The following FOXP1 variants were observed in gnomAD, a reference collection of about 807,000 sequenced individuals.
FOXP1 encodes the protein forkhead box P1, also known as forkhead box protein P1.
Under a neutral mutation model 98.2 loss-of-function variants are expected in FOXP1, and 15 were observed. The ratio of observed to expected loss-of-function variants is 0.15; its 90% CI spans 0.10 to 0.24. The LOEUF is 0.24. FOXP1 is among the 10% of genes least tolerant of loss of function. FOXP1 has a pLI of 1.00. For synonymous variants in FOXP1, 371 were observed against 314.5 expected (o/e 1.18, Z -1.90); for missense variants, 633 against 848.5 (o/e 0.75, Z 3.15).
At chr3:71,461,112 CTT>C (rs901506080) in intron 3 of FOXP1, among the ~76,000 whole-genome samples, 12 of 152,134 alleles carry the variant, frequency 7.9e-5, no homozygotes, top group African/African-American at 2.7e-4. Flanking sequence ...GTTAAAAAGA[CTT>C]TGTCCATTCT....
intron 12 of FOXP1, among the ~76,000 whole-genome samples, chr3:71,006,894 A>G (rs2042877636): frequency 6.6e-6 from 1 of 151,980 alleles, no homozygotes; most frequent in Admixed American, 6.6e-5. Context: ...CTGTTTGTTG[A>G]AAAAAAATGC....
At chr3:71,402,397 G>A (rs1395697373) in intron 3 of FOXP1, among the ~76,000 whole-genome samples, 2 of 152,186 alleles carry the variant, frequency 1.3e-5, no homozygotes, top group African/African-American at 2.4e-5. Flanking sequence ...TGAGACTGCA[G>A]TAAACCATGT....
At chr3:71,187,871 T>C (rs957974772) in intron 6 of FOXP1, among the ~76,000 whole-genome samples, 15 of 152,140 alleles carry the variant, frequency 9.9e-5, no homozygotes, top group Admixed American at 2.6e-4. Context: ...GGACTAAAAA[T>C]AGTCAGGAAA....
At position 71,176,996 on chromosome 3, in the gene FOXP1, G is replaced by T. The variant is rs569226238; in HGVS notation, c.180+21206C>A. Among the ~76,000 whole-genome samples, 3 of 152,252 alleles carry T rather than the reference G, an allele frequency of 2.0e-5. No homozygotes were observed. The South Asian group carries it at 6.2e-4, about 32-fold the overall frequency. The stretch of plus-strand genomic sequence containing the variant: ...GAGGATCAATGGAACCTGGGAGGCG[G>T]AGGTTGCAGTGAGCCGAGATCGTGC... On this transcript the variant is annotated intron_variant, in intron 6 of 20. Coordinates refer to ENST00000649528, the MANE Select transcript of FOXP1 (RefSeq NM_001349338.3).
intron 3 of FOXP1, among the ~76,000 whole-genome samples, chr3:71,437,243 T>A (rs1283499677): frequency 1.3e-5 from 2 of 151,988 alleles, no homozygotes; most frequent in African/African-American, 4.8e-5. Context: ...CCCGTCTCTA[T>A]GAAAAACACA....
At chr3:71,140,543 A>G (rs2060018215) in intron 6 of FOXP1, among the ~76,000 whole-genome samples, 1 of 152,248 alleles carries the variant, frequency 6.6e-6, no homozygotes, top group Non-Finnish European at 1.5e-5. Context: ...ATATAGTCTA[A>G]TAATTGTGAA....
intron 7 of FOXP1, among the ~76,000 whole-genome samples, chr3:71,082,150 A>G (rs1189991614): frequency 1.3e-5 from 2 of 152,080 alleles, no homozygotes; most frequent in Non-Finnish European, 2.9e-5. Context: ...GTGGTGGCGC[A>G]CGCCTGTAAT....
At chr3:71,570,848 G>C (rs888526800) in intron 2 of FOXP1, 1 of 152,206 alleles carries the variant, frequency 6.6e-6, no homozygotes, top group African/African-American at 2.4e-5. Context: ...GCAGCAGATG[G>C]TACTGCTGGT....
intron 5 of FOXP1, among the ~76,000 whole-genome samples, chr3:71,234,385 C>G (rs560092055): frequency 1.2e-4 from 18 of 152,322 alleles, no homozygotes; most frequent in Non-Finnish European, 2.1e-4. Flanking sequence ...CCAAGAGTAC[C>G]AAAGACTGTC....
At chr3:70,976,397 C>T (rs2037535264) in intron 17 of FOXP1, among the ~76,000 whole-genome samples, 2 of 152,134 alleles carry the variant, frequency 1.3e-5, no homozygotes, top group African/African-American at 4.8e-5. Context: ...AACAAAAACC[C>T]CTGCCCCTTA....
intron 7 of FOXP1, chr3:71,065,796 T>C (rs1214719234): frequency 1.3e-5 from 2 of 152,186 alleles, no homozygotes; most frequent in African/African-American, 4.8e-5. Flanking sequence ...CTATTAGAAA[T>C]AGTCACTGCT....
chr3:71,175,649 C>T (rs1419662309), intron 6 of FOXP1, among the ~76,000 whole-genome samples: 2 of 152,124 alleles, frequency 1.3e-5, no homozygotes, highest in South Asian at 2.1e-4. Context: ...CAAGGACTCA[C>T]GGACTCCGGG....
At chr3:71,546,140 C>A (rs2045340512) in intron 2 of FOXP1, among the ~76,000 whole-genome samples, 1 of 152,164 alleles carries the variant, frequency 6.6e-6, no homozygotes, top group Non-Finnish European at 1.5e-5. Context: ...CACCCACCTC[C>A]CCACACTCCA....
At chr3:71,141,291 CTG>C (rs992771818) in intron 6 of FOXP1, among the ~76,000 whole-genome samples, 4 of 135,428 alleles carry the variant, frequency 3.0e-5, no homozygotes, top group African/African-American at 1.1e-4. Flanking sequence ...AAAAAAGAAA[CTG>C]TGATCCAAAC....
chr3:70,999,901 A>G (rs1220861792), intron 13 of FOXP1, among the ~76,000 whole-genome samples: 4 of 152,150 alleles, frequency 2.6e-5, no homozygotes, highest in Non-Finnish European at 5.9e-5. Context: ...AATATAATGT[A>G]CAATATTGTT....
intron 7 of FOXP1, among the ~76,000 whole-genome samples, chr3:71,068,489 G>T (rs1037966578): frequency 6.6e-6 from 1 of 152,152 alleles, no homozygotes; most frequent in African/African-American, 2.4e-5. Context: ...CCTGGCCCAC[G>T]TGGTCCTCAG....
At chr3:71,531,795 G>C (rs532391393) in intron 2 of FOXP1, among the ~76,000 whole-genome samples, 1 of 152,264 alleles carries the variant, frequency 6.6e-6, no homozygotes, top group African/African-American at 2.4e-5. Context: ...TGTGTGTTCA[G>C]GTAGACAGAT....
chr3:71,279,013 G>A (rs925828132), intron 5 of FOXP1, among the ~76,000 whole-genome samples: 3 of 151,808 alleles, frequency 2.0e-5, no homozygotes, highest in Admixed American at 6.6e-5. Flanking sequence ...CCAACATGGC[G>A]AAACTGTGTC....
chr3:71,558,569 A>G (rs1324743457), intron 2 of FOXP1, among the ~76,000 whole-genome samples: 1 of 150,284 alleles, frequency 6.7e-6, no homozygotes, highest in Non-Finnish European at 1.5e-5. Flanking sequence ...ATCTCAGCTC[A>G]CTGCAACCTC....
Sources: allele counts gnomAD v4.1 joint callset (sites outside exome capture counted in the v4.1 genomes callset), GRCh38; gene constraint gnomAD v4.1.1; transcripts MANE v1.5; gene names NCBI Gene and HGNC (gene_info 2026-07-23, HGNC 2026-07-21).